Variants in FAN1 observed in about 807,000 individuals in gnomAD.
FAN1 encodes the protein fanconi-associated nuclease 1.
Under a neutral mutation model 104.9 loss-of-function variants are expected in FAN1, and 91 were observed. The ratio of observed to expected loss-of-function variants is 0.87; its 90% CI spans 0.73 to 1.03. FAN1 has a LOEUF of 1.03. FAN1 is among the 50% of genes least tolerant of loss of function. The pLI is 0.00. For missense variants in FAN1, 1,263 were observed against 1,239.9 expected (o/e 1.02, Z -0.28); for synonymous variants, 478 against 457.6 (o/e 1.04, Z -0.57).
At chr15:30,938,958 T>C (rs747207145) in intron 14 of FAN1, 2 of 985,294 alleles carry the variant, frequency 2.0e-6, no homozygotes, top group African/African-American at 3.5e-5. Flanking sequence ...GCTGTGGAAT[T>C]TTATTAAGCC....
intron 4 of FAN1, chr15:30,911,136 C>T: frequency 9.2e-7 from 1 of 1,084,406 alleles, no homozygotes. Flanking sequence ...ACTATTTAGT[C>T]AAATTTTTAT....
intron 3 of FAN1, 29 bp from the exon 4 acceptor site, chr15:30,910,584 TA>T (rs752410865): frequency 7.5e-6 from 11 of 1,468,180 alleles, no homozygotes; most frequent in Middle Eastern, 1.8e-4. Context: ...TAGTAAAATT[TA>T]AAAAAACTTT....
intron 7 of FAN1, 45 bp from the exon 8 acceptor site, chr15:30,922,190 A>G (rs1354561517): frequency 1.9e-6 from 3 of 1,590,606 alleles, no homozygotes; most frequent in Non-Finnish European, 2.6e-6. Flanking sequence ...TTGCAGCTGG[A>G]TTTTTTGTGA....
chr15:30,909,560 C>G (rs955754291), intron 3 of FAN1, among the ~76,000 whole-genome samples: 2 of 152,200 alleles, frequency 1.3e-5, no homozygotes, highest in Admixed American at 6.5e-5. Context: ...CCTTGACTTA[C>G]CTTCAAATGA....
intron 5 of FAN1, among the ~76,000 whole-genome samples, chr15:30,916,165 A>G (rs1174526060): frequency 6.6e-6 from 1 of 152,084 alleles, no homozygotes; most frequent in Non-Finnish European, 1.5e-5. Flanking sequence ...CAGTTGTCTC[A>G]TATCTTTTTT....
In FAN1 at chr15:30,941,626, G is replaced by T. The variant is rs373665066; in HGVS notation, c.*64G>T. 1 of 1,605,986 alleles carries T rather than the reference G, an allele frequency of 6.2e-7. No individual in the cohort carries two copies. ...GAAACTCCGGTGTCCCCGAGGTGTC[G>T]GTGTGGTGAGGGCCGCTGGCGTTGA... is the stretch of plus-strand genomic sequence containing the variant. On this transcript the variant is annotated 3_prime_UTR_variant, in exon 15 of 15. Transcript: ENST00000362065.
rs151200310 is a variant in FAN1, at chr15:30,933,318, T to A, written c.2916+2647T>A. Reference sequence around the variant, plus strand: ...ATCTGAACCTCACAAATTTAGTAGTTGTTTTCATTTTCATTCAGTTCACAA... The same window carrying A: ...ATCTGAACCTCACAAATTTAGTAGTAGTTTTCATTTTCATTCAGTTCACAA... On this transcript the variant is annotated intron_variant, in intron 13 of 14. Transcript: ENST00000362065. Among the ~76,000 whole-genome samples the A allele has an allele frequency of 8.5e-4, 130 of 152,336 alleles. 1 individual carries two copies. The highest frequency in any genetic ancestry group is 3.0e-3 in the African/African-American group (123 of 41,576).
At position 30,941,724 on chromosome 15, in the gene FAN1, TG is replaced by T. The variant is rs1440908427; in HGVS notation, c.*163del. On this transcript the variant is annotated 3_prime_UTR_variant, in exon 15 of 15. Coordinates refer to ENST00000362065, the MANE Select transcript of FAN1 (RefSeq NM_014967.5). ...CCACTGCGCTGTTGCCGCAGCATCC[TG>T]CTCAGTACGTCGACTTCATCAGCCA... 6.2e-7 allele frequency: 1 copy of T among 1,613,862 alleles called. No individual in the cohort carries two copies. Among genetic ancestry groups the T allele is most frequent in the African/African-American group, 1.3e-5 (1 of 74,936 alleles).
chr15:30,926,016 G>A, intron 10 of FAN1, 77 bp downstream of exon 10: 1 of 1,435,834 alleles, frequency 7.0e-7, no homozygotes, highest in Non-Finnish European at 9.7e-7. Context: ...TGTCAGCAGT[G>A]GGCTGCTGTC....
At chr15:30,939,195 A>T in intron 14 of FAN1, 1 of 985,332 alleles carries the variant, frequency 1.0e-6, no homozygotes, top group Non-Finnish European at 1.2e-6. Flanking sequence ...CCTTAAATAA[A>T]GTTAGTTAGC....
intron 5 of FAN1, among the ~76,000 whole-genome samples, chr15:30,916,862 A>G (rs1252284834): frequency 6.6e-6 from 1 of 152,172 alleles, no homozygotes; most frequent in Non-Finnish European, 1.5e-5. Flanking sequence ...GACAGGCTGG[A>G]TAAGTTCTTT....
chr15:30,923,434 A>G (rs1033160816), intron 8 of FAN1, among the ~76,000 whole-genome samples: 15 of 152,218 alleles, frequency 9.9e-5, no homozygotes, highest in African/African-American at 2.7e-4. Flanking sequence ...TAGGGGGTAG[A>G]CAAGCCACTG....
chr15:30,905,493 C>G lies in FAN1; in HGVS notation c.830C>G (p.Ser277Cys). The change falls in exon 2 of 15, where the codon TCT (serine) becomes TGT (cysteine). Residue 277 changes from serine (S) to cysteine (C), a missense_variant. Ser to Cys is a moderately radical substitution (Grantham distance 112). Around this residue, in one of 2 missense-constraint regions of FAN1, gnomAD observed 682 missense variants for 571.1 expected, o/e 1.19. Coordinates refer to ENST00000362065, the MANE Select transcript of FAN1 (RefSeq NM_014967.5). ...PDFTLRNTLK[S>C]TSEDSLVKQE... ...TTCACTCTTAGGAATACATTAAAGT[C>G]TACTTCAGAAGACAGTCTTGTAAAG... 3.7e-6 allele frequency: 6 copies of G among 1,614,060 alleles called. No homozygotes were observed. The highest frequency in any genetic ancestry group is 3.3e-4 in the Middle Eastern group (2 of 6,062).
At position 30,942,330 on chromosome 15, in the gene FAN1, C is replaced by T. The variant is rs2063082722; in HGVS notation, c.*768C>T. 4 of 535,838 alleles carry T rather than the reference C, an allele frequency of 7.5e-6. No homozygotes were observed. Among genetic ancestry groups the T allele is most frequent in the Non-Finnish European group, 1.3e-5 (4 of 303,866 alleles). 33.2% of individuals were successfully genotyped at this position (535,838 alleles called of 1,614,324 possible). Reference sequence around the variant, plus strand: ...AGAGTACCTCCTATCCACTAATTTGCTTAAGGATAAGTTCTAAGACGGGCT... The same window carrying T: ...AGAGTACCTCCTATCCACTAATTTGTTTAAGGATAAGTTCTAAGACGGGCT... On this transcript the variant is annotated 3_prime_UTR_variant, in exon 15 of 15. Coordinates refer to ENST00000362065, the MANE Select transcript of FAN1 (RefSeq NM_014967.5).
chr15:30,930,494 A>G, intron 12 of FAN1, 49 bp from the exon 13 acceptor site: 2 of 1,552,514 alleles, frequency 1.3e-6, no homozygotes, highest in Non-Finnish European at 1.7e-6. Flanking sequence ...GCCTATTTCC[A>G]TTCTCTGTCA....
At chr15:30,910,538 T>C in intron 3 of FAN1, 76 bp from the exon 4 acceptor site, 1 of 896,876 alleles carries the variant, frequency 1.1e-6, no homozygotes, top group Non-Finnish European at 1.6e-6. Flanking sequence ...CATTTCATTT[T>C]ATTTTCATCT....
chr15:30,910,028 A>G lies in FAN1; in HGVS notation c.1376-586A>G, dbSNP rs75304487. The stretch of plus-strand genomic sequence containing the variant: ...TGTAGCATGCCCGGGGCCTTAGAAC[A>G]TTACCAGGCCGACAGTGTACACCCA... On this transcript the variant is annotated intron_variant, in intron 3 of 14. Transcript: ENST00000362065. 1.1e-3 allele frequency among the ~76,000 whole-genome samples: 172 copies of G among 152,360 alleles called. 1 individual carries two copies. The highest frequency in any genetic ancestry group is 3.8e-3 in the African/African-American group (160 of 41,582).
chr15:30,916,146 C>G (rs748068463), intron 5 of FAN1, among the ~76,000 whole-genome samples: 3 of 152,138 alleles, frequency 2.0e-5, no homozygotes, highest in Non-Finnish European at 4.4e-5. Context: ...TTTATTCTTA[C>G]CCTGTTTTCA....
chr15:30,905,759 C>T lies in FAN1; in HGVS notation c.1096C>T (p.Pro366Ser). 1 of 1,614,182 alleles carries T rather than the reference C, an allele frequency of 6.2e-7. No homozygotes were observed. The highest frequency in any genetic ancestry group is 8.5e-7 in the Non-Finnish European group (1 of 1,180,022). Reference sequence around the variant, plus strand: ...GGAGCAGGGGTCAAGCTGCAATGGTCCTGGTCAAACAACCGGTCATCCTTA... The same window carrying T: ...GGAGCAGGGGTCAAGCTGCAATGGTTCTGGTCAAACAACCGGTCATCCTTA... ...PLEQGSSCNG[P>S]GQTTGHPYYL... is the part of the protein sequence containing the mutation. Residue 366 changes from proline (P) to serine (S), a missense_variant, in exon 2 of 15, where the codon CCT becomes TCT. Coordinates refer to ENST00000362065, the MANE Select transcript of FAN1 (RefSeq NM_014967.5).
Sources: gnomAD v4.1 joint callset for allele counts (sites outside exome capture counted in the v4.1 genomes callset) on GRCh38, gnomAD v4.1.1 for gene constraint, gnomAD v4.1.1 regional missense constraint, MANE v1.5 for transcripts, NCBI Gene and HGNC (gene_info 2026-07-23, HGNC 2026-07-21) for gene names.